Variants in NCOA1 observed in about 807,000 individuals in gnomAD.
NCOA1 encodes nuclear receptor coactivator 1.
NCOA1 carries 35 observed loss-of-function variants against 150.9 expected under a neutral mutation model. That is an observed-to-expected ratio of 0.23 (90% CI 0.18 to 0.31). The LOEUF is 0.31. Ranked by LOEUF, NCOA1 falls within the 10% of genes least tolerant of loss-of-function variation. NCOA1 has a pLI of 1.00. For synonymous variants in NCOA1, 590 were observed against 630.0 expected (o/e 0.94, Z 0.95); for missense variants, 1,491 against 1,749.3 (o/e 0.85, Z 2.63).
chr2:24,676,719 A>G (rs1308162529), intron 7 of NCOA1, among the ~76,000 whole-genome samples: 1 of 152,234 alleles, frequency 6.6e-6, no homozygotes, highest in Non-Finnish European at 1.5e-5. Context: ...AATCCAAGGA[A>G]TCTTAGGAAT....
intron 7 of NCOA1, among the ~76,000 whole-genome samples, chr2:24,677,119 G>A (rs998375545): frequency 1.1e-4 from 16 of 152,050 alleles, no homozygotes; most frequent in African/African-American, 3.1e-4. Flanking sequence ...CACGGCAGGC[G>A]GATCACTTGA....
chr2:24,700,581 A>T (rs1045042498), intron 11 of NCOA1, among the ~76,000 whole-genome samples: 1 of 152,232 alleles, frequency 6.6e-6, no homozygotes, highest in Non-Finnish European at 1.5e-5. Context: ...GAATTAGATT[A>T]AAGCCACGGT....
intron 1 of NCOA1, among the ~76,000 whole-genome samples, chr2:24,511,777 T>C (rs181193973): frequency 9.8e-4 from 149 of 152,316 alleles, no homozygotes; most frequent in Admixed American, 3.7e-3. Context: ...GGTGCCATAT[T>C]GAAGAAACCA....
intron 1 of NCOA1, among the ~76,000 whole-genome samples, chr2:24,496,831 A>T (rs1663235612): frequency 6.6e-6 from 1 of 152,244 alleles, no homozygotes; most frequent in Non-Finnish European, 1.5e-5. Context: ...ATTTTAAATA[A>T]TAAGAATTCC....
At chr2:24,682,919 C>A in intron 7 of NCOA1, 32 bp from the exon 8 acceptor site, 1 of 1,542,460 alleles carries the variant, frequency 6.5e-7, no homozygotes, top group Non-Finnish European at 8.7e-7. Context: ...ATCTTTCAAC[C>A]TCCAAACCAT....
intron 1 of NCOA1, among the ~76,000 whole-genome samples, chr2:24,498,273 G>A (rs1182153741): frequency 6.6e-6 from 1 of 152,196 alleles, no homozygotes; most frequent in Non-Finnish European, 1.5e-5. Context: ...AGTTATATGA[G>A]TACGTACTTT....
At chr2:24,703,567 A>C (rs1267365369) in intron 11 of NCOA1, among the ~76,000 whole-genome samples, 1 of 152,218 alleles carries the variant, frequency 6.6e-6, no homozygotes, top group Non-Finnish European at 1.5e-5. Flanking sequence ...TAAGTATGCC[A>C]GTGATTTAGC....
chr2:24,627,991 C>A (rs763650545), intron 3 of NCOA1, among the ~76,000 whole-genome samples: 30 of 152,134 alleles, frequency 2.0e-4, no homozygotes, highest in Non-Finnish European at 3.8e-4. Flanking sequence ...AAATCTGTGC[C>A]TAATTCCTTA....
At chr2:24,614,688 G>A (rs1668796036) in intron 3 of NCOA1, among the ~76,000 whole-genome samples, 1 of 152,172 alleles carries the variant, frequency 6.6e-6, no homozygotes, top group East Asian at 1.9e-4. Context: ...TCTCTAGGGT[G>A]CAGGGCCTGT....
At chr2:24,670,611 T>C (rs1572569243) in intron 6 of NCOA1, among the ~76,000 whole-genome samples, 1 of 152,210 alleles carries the variant, frequency 6.6e-6, no homozygotes, top group Non-Finnish European at 1.5e-5. Flanking sequence ...TTATAGGAAA[T>C]GTCCAAAAAA....
intron 1 of NCOA1, among the ~76,000 whole-genome samples, chr2:24,521,495 C>T (rs952925248): frequency 6.6e-6 from 1 of 152,048 alleles, no homozygotes; most frequent in Non-Finnish European, 1.5e-5. Context: ...AATATTTGTC[C>T]TCTGTGTCTG....
intron 17 of NCOA1, among the ~76,000 whole-genome samples, chr2:24,736,267 C>A (rs1412324575): frequency 1.3e-5 from 2 of 151,018 alleles, no homozygotes; most frequent in African/African-American, 4.9e-5. Context: ...GTATCATTAG[C>A]TGACAAAAGA....
intron 1 of NCOA1, among the ~76,000 whole-genome samples, chr2:24,502,344 C>T (rs972597903): frequency 6.6e-6 from 1 of 152,160 alleles, no homozygotes; most frequent in Non-Finnish European, 1.5e-5. Flanking sequence ...GCTCTTTTCT[C>T]CTCACTGACA....
At chr2:24,759,709 C>CTATATCACCTCATGTATAGAGGTGTATAT (rs1664681164) in intron 21 of NCOA1, among the ~76,000 whole-genome samples, 4 of 151,942 alleles carry the variant, frequency 2.6e-5, no homozygotes, top group South Asian at 4.2e-4. Flanking sequence ...TCAAATGATA[C>CTATATCACCTCATGTATAGAGGTGTATAT]TATATCACCT....
chr2:24,582,434 T>C (rs1667229573), intron 2 of NCOA1, among the ~76,000 whole-genome samples: 1 of 151,998 alleles, frequency 6.6e-6, no homozygotes, highest in African/African-American at 2.4e-5. Context: ...TACAAAACAC[T>C]GATGAAATAA....
chr2:24,748,733 GA>G (rs201208040), intron 19 of NCOA1, among the ~76,000 whole-genome samples: 7 of 150,084 alleles, frequency 4.7e-5, no homozygotes, highest in East Asian at 3.9e-4. Flanking sequence ...AGTAAAAAGA[GA>G]AAAAAATCAT....
chr2:24,644,866 C>T (rs182550835), intron 4 of NCOA1, among the ~76,000 whole-genome samples: 80 of 152,222 alleles, frequency 5.3e-4, no homozygotes, highest in African/African-American at 1.5e-3. Context: ...GTGTAAACAT[C>T]GCCTGGGTTA....
intron 3 of NCOA1, among the ~76,000 whole-genome samples, chr2:24,597,556 G>A (rs1667933043): frequency 6.6e-6 from 1 of 152,138 alleles, no homozygotes. Flanking sequence ...AATTGTAGGT[G>A]CTGGAGAGTC....
intron 2 of NCOA1, among the ~76,000 whole-genome samples, chr2:24,576,179 T>TG (rs1666973321): frequency 9.4e-6 from 1 of 105,996 alleles, no homozygotes; most frequent in African/African-American, 3.3e-5. Flanking sequence ...TGTTTTTTTT[T>TG]TTTTTTTTTT....
Sources: gnomAD v4.1 joint callset for allele counts (sites outside exome capture counted in the v4.1 genomes callset) on GRCh38, gnomAD v4.1.1 for gene constraint, MANE v1.5 for transcripts, NCBI Gene and HGNC (gene_info 2026-07-23, HGNC 2026-07-21) for gene names.